Variants in ADGRF5 observed in about 807,000 individuals in gnomAD.
ADGRF5 encodes G-protein coupled receptor 116.
A neutral mutation model predicts 132.3 loss-of-function variants in ADGRF5; 75 were observed. The ratio of observed to expected loss-of-function variants is 0.57; its 90% CI spans 0.47 to 0.69. The LOEUF (loss-of-function observed/expected upper bound fraction) is 0.69, where lower values mean the gene tolerates loss of function less well. Among genes scored for constraint, ADGRF5 ranks in the 30% least tolerant of loss-of-function variants. ADGRF5 has a pLI of 0.00. For synonymous variants in ADGRF5, 629 were observed against 597.6 expected (o/e 1.05, Z -0.77); for missense variants, 1,516 against 1,630.6 (o/e 0.93, Z 1.21).
chr6:46,905,265 T>G (rs1775212898), intron 2 of ADGRF5: 1 of 152,214 alleles, frequency 6.6e-6, no homozygotes, highest in Non-Finnish European at 1.5e-5. Flanking sequence ...ATAGGAAGGC[T>G]ATTGTGTATG....
intron 4 of ADGRF5, chr6:46,886,717 A>G (rs1348889865): frequency 6.6e-6 from 1 of 152,234 alleles, no homozygotes; most frequent in Non-Finnish European, 1.5e-5. Flanking sequence ...GAAAGTTTGG[A>G]TGCTTAGACA....
chr6:46,864,963 G>A, intron 14 of ADGRF5, 79 bp downstream of exon 14: 2 of 921,760 alleles, frequency 2.2e-6, no homozygotes, highest in Middle Eastern at 4.4e-4. Context: ...TTATTGAATG[G>A]GGATGAATGA....
At chr6:46,953,651 GTATATATATATATATATA>G (rs61302381) in intron 1 of ADGRF5, among the ~76,000 whole-genome samples, 16 of 42,194 alleles carry the variant, frequency 3.8e-4, no homozygotes, top group Admixed American at 1.5e-3. Context: ...AGATATATGT[GTATATATATATATATATA>G]TATATATATA....
chr6:46,873,261 T>C (rs1456385874), intron 10 of ADGRF5, among the ~76,000 whole-genome samples: 2 of 152,142 alleles, frequency 1.3e-5, no homozygotes, highest in Non-Finnish European at 2.9e-5. Context: ...CCACTGCATT[T>C]CTTCCTCTCT....
chr6:46,905,876 T>C (rs1431530971), intron 2 of ADGRF5, among the ~76,000 whole-genome samples: 1 of 152,212 alleles, frequency 6.6e-6, no homozygotes, highest in Admixed American at 6.5e-5. Flanking sequence ...TAGAGCATCT[T>C]ATAGATATGA....
At chr6:46,865,219 G>C in intron 13 of ADGRF5, 22 bp from the exon 14 acceptor site, 1 of 1,577,638 alleles carries the variant, frequency 6.3e-7, no homozygotes, top group Middle Eastern at 1.7e-4. Context: ...ATTATTGAAA[G>C]AATTAAGTCA....
intron 17 of ADGRF5, 119 bp from the exon 18 acceptor site, chr6:46,857,027 T>A: frequency 1.3e-6 from 1 of 770,298 alleles, no homozygotes; most frequent in Non-Finnish European, 2.2e-6. Context: ...TCTGAGTTTA[T>A]GGAATGAGTC....
Position 46,879,714 on chromosome 6 carries a change from G to T in ADGRF5, c.1036+104C>A, listed in dbSNP as rs1478504853. 4 of 799,286 alleles carry T rather than the reference G, an allele frequency of 5.0e-6. No individual in the cohort carries two copies. The Admixed American group carries it at 6.3e-5, about 13-fold the overall frequency. The allele number at this position is 799,286 out of a possible 1,614,324, so 49.5% of individuals were successfully genotyped here. A position where few individuals can be genotyped will look rare whatever the true frequency, so the allele number is the denominator to read the frequency against. On this transcript the variant is annotated intron_variant, in intron 9 of 20. Coordinates refer to ENST00000283296, the MANE Select transcript of ADGRF5 (RefSeq NM_001098518.2). ...TTGAACCAGGAGACTTATTTTGGAAGAGAAAAACACTATCTACATAGCTAC... is the reference window on the plus strand; with the variant it reads ...TTGAACCAGGAGACTTATTTTGGAATAGAAAAACACTATCTACATAGCTAC...
In ADGRF5 at chr6:46,852,887, G is replaced by T. The variant is rs1045791; in HGVS notation, c.*1105C>A. The T allele has an allele frequency of 0.15, 22,868 of 152,478 alleles. 3,667 individuals carry two copies. The highest frequency in any genetic ancestry group is 0.41 in the African/African-American group (16,802 of 41,410). The allele number at this position is 152,478 out of a possible 1,614,324, so 9.4% of individuals were successfully genotyped here. On this transcript the variant is annotated 3_prime_UTR_variant, in exon 21 of 21. Transcript: ENST00000283296. Reference sequence around the variant, plus strand: ...GAGCTATGCAACACACCAAGGGCCAGTATCCACAATAATAATAACAGTGAC... The same window carrying T: ...GAGCTATGCAACACACCAAGGGCCATTATCCACAATAATAATAACAGTGAC...
At chr6:46,932,829 C>T (rs182097257) in intron 1 of ADGRF5, among the ~76,000 whole-genome samples, 2 of 152,264 alleles carry the variant, frequency 1.3e-5, no homozygotes. Flanking sequence ...AGACTCCTCT[C>T]AATTCCTTTG....
In ADGRF5 at chr6:46,900,075, A is replaced by G; in HGVS notation, c.111T>C (p.His37=). The change falls in exon 3 of 21, where the codon CAT becomes CAC. Residue 37 remains histidine, a synonymous_variant. Transcript: ENST00000283296. The part of the protein sequence containing the change: ...YESTIHPLSL[H]EHEPAGEEAL... ...CCTCTTCACCAGCTGGTTCATGTTC[A>G]TGAAGACTCTGAAAAGAACATTTGA... is the stretch of plus-strand genomic sequence containing the variant. 1 of 1,611,730 alleles carries G rather than the reference A, an allele frequency of 6.2e-7. No individual in the cohort carries two copies. The highest frequency in any genetic ancestry group is 8.5e-7 in the Non-Finnish European group (1 of 1,177,822).
At chr6:46,943,561 C>T (rs1051286929) in intron 1 of ADGRF5, among the ~76,000 whole-genome samples, 1 of 152,146 alleles carries the variant, frequency 6.6e-6, no homozygotes, top group Non-Finnish European at 1.5e-5. Flanking sequence ...AGGGTCTCTG[C>T]TGAGTGTTTT....
intron 3 of ADGRF5, among the ~76,000 whole-genome samples, chr6:46,895,036 G>A (rs371882631): frequency 6.6e-6 from 1 of 152,174 alleles, no homozygotes; most frequent in African/African-American, 2.4e-5. Context: ...AATTAGCTGG[G>A]TGTGGTGGCA....
chr6:46,925,429 G>T (rs532711548), upstream of ADGRF5, among the ~76,000 whole-genome samples: 1 of 152,154 alleles, frequency 6.6e-6, no homozygotes, highest in South Asian at 2.1e-4. Flanking sequence ...TTTAAATTTT[G>T]CTGGAGTCTC....
intron 1 of ADGRF5, among the ~76,000 whole-genome samples, chr6:46,938,282 C>T (rs1276436926): frequency 6.6e-6 from 1 of 152,186 alleles, no homozygotes; most frequent in Non-Finnish European, 1.5e-5. Flanking sequence ...ACACCATCAC[C>T]TGCTATCTCA....
chr6:46,889,221 G>C (rs111965119), intron 3 of ADGRF5, among the ~76,000 whole-genome samples: 44 of 144,838 alleles, frequency 3.0e-4, no homozygotes, highest in African/African-American at 9.1e-4. Flanking sequence ...TATAGAGAGA[G>C]TATATATAGT....
upstream of ADGRF5, among the ~76,000 whole-genome samples, chr6:46,923,208 G>A (rs116123182): frequency 0.019 from 2,865 of 152,344 alleles, 50 homozygotes; most frequent in Non-Finnish European, 0.031. Flanking sequence ...TTACAGGCGT[G>A]AGCCACTGCT....
chr6:46,912,971 C>T (rs1776090329), intron 1 of ADGRF5, among the ~76,000 whole-genome samples: 1 of 152,204 alleles, frequency 6.6e-6, no homozygotes, highest in Admixed American at 6.5e-5. Context: ...TGTCTTGTTA[C>T]AGTCAGCCCC....
At chr6:46,925,319 G>C (rs1427873799), upstream of ADGRF5, among the ~76,000 whole-genome samples, 1 of 152,150 alleles carries the variant, frequency 6.6e-6, no homozygotes, top group Non-Finnish European at 1.5e-5. Context: ...TGCTTTCTTA[G>C]TGAGGCCTTC....
Sources: gnomAD v4.1 joint callset for allele counts (sites outside exome capture counted in the v4.1 genomes callset) on GRCh38, gnomAD v4.1.1 for gene constraint, MANE v1.5 for transcripts, NCBI Gene and HGNC (gene_info 2026-07-23, HGNC 2026-07-21) for gene names.